BPHL: variants seen among roughly 807,000 people sequenced by gnomAD.
BPHL encodes biphenyl hydrolase like.
A neutral mutation model predicts 31.2 loss-of-function variants in BPHL; 27 were observed. That is an observed-to-expected ratio of 0.87 (90% CI 0.64 to 1.19). The LOEUF is 1.19. BPHL is among the 50% of genes most tolerant of loss of function. The pLI is 0.00. For missense variants in BPHL, 356 were observed against 375.7 expected (o/e 0.95, Z 0.43); for synonymous variants, 150 against 146.8 (o/e 1.02, Z -0.16).
chr6:3,119,420 G>A (rs1338246996), intron 1 of BPHL: 2 of 1,611,300 alleles, frequency 1.2e-6, no homozygotes, highest in Non-Finnish European at 8.5e-7. Flanking sequence ...AGAATCCTGG[G>A]CCTCACTCCC....
chr6:3,145,688 G>A (rs1281671928), intron 6 of BPHL, among the ~76,000 whole-genome samples: 1 of 44,768 alleles, frequency 2.2e-5, no homozygotes, highest in South Asian at 5.8e-4. Context: ...GGTTTGGGTC[G>A]AGTGCTGGTT....
At chr6:3,148,698 C>CCT (rs1561802506) in intron 6 of BPHL, among the ~76,000 whole-genome samples, 1 of 152,252 alleles carries the variant, frequency 6.6e-6, no homozygotes, top group African/African-American at 2.4e-5. Flanking sequence ...CAGCTCCACA[C>CCT]GCTGCTTGTG....
intron 4 of BPHL, among the ~76,000 whole-genome samples, chr6:3,136,403 G>T (rs1384589796): frequency 6.6e-6 from 1 of 152,184 alleles, no homozygotes; most frequent in African/African-American, 2.4e-5. Flanking sequence ...CTCACACGGG[G>T]CCTACCTCTG....
intron 6 of BPHL, among the ~76,000 whole-genome samples, chr6:3,144,779 G>A (rs2113772337): frequency 6.6e-6 from 1 of 152,306 alleles, no homozygotes; most frequent in African/African-American, 2.4e-5. Flanking sequence ...ATGTGGTCTA[G>A]AGCATCTGAA....
chr6:3,130,907 G>T (rs1331399846), intron 4 of BPHL, among the ~76,000 whole-genome samples: 1 of 152,046 alleles, frequency 6.6e-6, no homozygotes, highest in African/African-American at 2.4e-5. Context: ...CTGTGCTCCT[G>T]CTTGTCCTTA....
At chr6:3,145,221 TC>T (rs1168558781) in intron 6 of BPHL, among the ~76,000 whole-genome samples, 2 of 46,454 alleles carry the variant, frequency 4.3e-5, no homozygotes, top group East Asian at 4.7e-4. Flanking sequence ...CTGGTTCGGG[TC>T]CGAGTGCTGG....
At chr6:3,150,608 T>C (rs1444155323) in intron 6 of BPHL, among the ~76,000 whole-genome samples, 1 of 152,186 alleles carries the variant, frequency 6.6e-6, no homozygotes, top group Admixed American at 6.5e-5. Context: ...TTTCGGAGAA[T>C]GTTATTGTTT....
chr6:3,143,361 T>C (rs1275922648), intron 6 of BPHL, among the ~76,000 whole-genome samples: 1 of 152,078 alleles, frequency 6.6e-6, no homozygotes, highest in Non-Finnish European at 1.5e-5. Context: ...AAGGGTGGAG[T>C]TGCTCAGCAG....
intron 1 of BPHL, chr6:3,119,573 C>T: frequency 6.2e-7 from 1 of 1,601,350 alleles, no homozygotes; most frequent in South Asian, 1.1e-5. Context: ...AATGGATACT[C>T]TTGGTCCCAA....
chr6:3,123,231 CTG>C, intron 1 of BPHL, among the ~76,000 whole-genome samples: 1 of 152,240 alleles, frequency 6.6e-6, no homozygotes, highest in Admixed American at 6.5e-5. Flanking sequence ...CCCAAGGAGA[CTG>C]AGAGGCGTTC....
At position 3,140,608 on chromosome 6, in the gene BPHL, A is replaced by G. The variant is rs1762148832; in HGVS notation, c.788+99A>G. 1 of 1,543,394 alleles carries G rather than the reference A, an allele frequency of 6.5e-7. No individual in the cohort carries two copies. The highest frequency in any genetic ancestry group is 1.4e-5 in the African/African-American group (1 of 73,300). ...TAACCAAGAGGAGTTGGAGTTTTAG[A>G]GTGCACAGCCCCCCTTTTGCCAATG... On this transcript the variant is annotated intron_variant, in intron 6 of 6. Transcript: ENST00000380379. This position sits in a 1 kb window ranked among gnomAD's most constrained non-coding sequence, Gnocchi z 5.2.
In BPHL at chr6:3,149,293, G is replaced by A. The variant is rs764737701; in HGVS notation, c.789-3195G>A. ...GGAAGAAAGCTTTCCTGCAGTCCAG[G>A]GCCCGACTAGGTCCCCACAGTCACA... On this transcript the variant is annotated intron_variant, in intron 6 of 6. Coordinates refer to ENST00000380379, the MANE Select transcript of BPHL (RefSeq NM_004332.4). The surrounding 1 kb of genome is among the most constrained non-coding windows in gnomAD (Gnocchi z 4.6). Among the ~76,000 whole-genome samples the A allele has an allele frequency of 3.3e-5, 5 of 152,074 alleles. No homozygotes were observed. Among genetic ancestry groups the A allele is most frequent in the Non-Finnish European group, 5.9e-5 (4 of 68,022 alleles).
At chr6:3,148,707 T>C (rs1762444951) in intron 6 of BPHL, among the ~76,000 whole-genome samples, 1 of 152,242 alleles carries the variant, frequency 6.6e-6, no homozygotes, top group South Asian at 2.1e-4. Context: ...ACGCTGCTTG[T>C]GGGCTCGTTA....
chr6:3,131,966 G>A (rs1450480806), intron 4 of BPHL, among the ~76,000 whole-genome samples: 1 of 152,138 alleles, frequency 6.6e-6, no homozygotes, highest in Non-Finnish European at 1.5e-5. Flanking sequence ...CTTCAACCCC[G>A]GGCACTGTCA....
In BPHL at chr6:3,149,187, G is replaced by A. The variant is rs561896059; in HGVS notation, c.789-3301G>A. 2.0e-5 allele frequency among the ~76,000 whole-genome samples: 3 copies of A among 152,254 alleles called. No individual in the cohort carries two copies. The highest frequency in any genetic ancestry group is 4.4e-5 in the Non-Finnish European group (3 of 68,018). ...GCCTGTCAGTATGGACTCTGTGCTGGTTAGACAAAACTGTCCTGGCCCCGT... is the reference window on the plus strand; with the variant it reads ...GCCTGTCAGTATGGACTCTGTGCTGATTAGACAAAACTGTCCTGGCCCCGT... On this transcript the variant is annotated intron_variant, in intron 6 of 6. Transcript: ENST00000380379. This position sits in a 1 kb window ranked among gnomAD's most constrained non-coding sequence, Gnocchi z 4.6.
rs1762149182 is a variant in BPHL at position 3,140,617 on chromosome 6, C to T, written c.788+108C>T. 1.3e-6 allele frequency: 2 copies of T among 1,510,756 alleles called. No individual in the cohort carries two copies. Among genetic ancestry groups the T allele is most frequent in the Non-Finnish European group, 1.8e-6 (2 of 1,119,126 alleles). 93.6% of individuals were successfully genotyped at this position (1,510,756 alleles called of 1,614,324 possible). ...GGAGTTGGAGTTTTAGAGTGCACAG[C>T]CCCCCTTTTGCCAATGCCAGTCAGT... On this transcript the variant is annotated intron_variant, in intron 6 of 6. Transcript: ENST00000380379. This position sits in a 1 kb window ranked among gnomAD's most constrained non-coding sequence, Gnocchi z 5.2.
intron 5 of BPHL, chr6:3,139,704 C>T (rs1762117899): frequency 6.6e-6 from 1 of 152,300 alleles, no homozygotes; most frequent in East Asian, 1.9e-4. Context: ...CCCACAACAG[C>T]CCCGGGGAAC....
intron 1 of BPHL, among the ~76,000 whole-genome samples, chr6:3,119,974 A>AT (rs755792088): frequency 6.6e-6 from 1 of 151,820 alleles, no homozygotes; most frequent in African/African-American, 2.4e-5. Context: ...GAAAATGATT[A>AT]TTTTTTCCAG....
chr6:3,139,567 C>G (rs1042309374), intron 5 of BPHL: 1 of 152,240 alleles, frequency 6.6e-6, no homozygotes, highest in Non-Finnish European at 1.5e-5. Flanking sequence ...AGCACTGCCC[C>G]GTCGGGGCAG....
Sources: gnomAD v4.1 joint callset for allele counts (sites outside exome capture counted in the v4.1 genomes callset) on GRCh38, gnomAD v4.1.1 for gene constraint, Gnocchi (gnomAD v3.1) non-coding constraint, MANE v1.5 for transcripts, NCBI Gene and HGNC (gene_info 2026-07-23, HGNC 2026-07-21) for gene names.